The following DNAAF9 variants were observed in gnomAD, a reference collection of about 807,000 sequenced individuals.
DNAAF9 encodes the protein dynein axonemal assembly factor 9, also known as shulin.
A neutral mutation model predicts 167.0 loss-of-function variants in DNAAF9; 90 were observed. The ratio of observed to expected loss-of-function variants is 0.54; its 90% CI spans 0.45 to 0.64. The LOEUF (loss-of-function observed/expected upper bound fraction) is 0.64. Among genes scored for constraint, DNAAF9 ranks in the 30% least tolerant of loss-of-function variants. DNAAF9 has a pLI of 0.00. For missense variants in DNAAF9, 1,315 were observed against 1,442.2 expected, an observed-to-expected ratio of 0.91 and a Z score of 1.43; for synonymous variants, 491 against 508.8, an observed-to-expected ratio of 0.96 and a Z score of 0.47.
At chr20:3,292,123 C>T (rs1026448715) in intron 25 of DNAAF9, among the ~76,000 whole-genome samples, 6 of 152,128 alleles carry the variant, frequency 3.9e-5, no homozygotes, top group African/African-American at 1.4e-4. Flanking sequence ...CTCAGCCTCC[C>T]GAGTAGCTGG....
In DNAAF9 at chr20:3,387,884, T is replaced by TAA. The variant is rs557861791; in HGVS notation, c.84-5380_84-5379dup. Among the ~76,000 whole-genome samples the TAA allele has an allele frequency of 3.5e-3, 302 of 87,310 alleles. 8 individuals are homozygous for TAA. Among genetic ancestry groups the TAA allele is most frequent in the Non-Finnish European group, 4.5e-3 (208 of 46,726 alleles). 57.3% of individuals were successfully genotyped at this position (87,310 alleles called of 152,430 possible). On this transcript the variant is annotated intron_variant, in intron 1 of 36. Coordinates refer to ENST00000252032, the MANE Select transcript of DNAAF9 (RefSeq NM_001009984.3). ...AGGGAGACCCTGTCTCTACAAAAAG[T>TAA]AAAAAAAAAAAAAAAAAAAAAAAAA...
At chr20:3,267,141 C>A (rs956743984) in intron 30 of DNAAF9, among the ~76,000 whole-genome samples, 3 of 152,166 alleles carry the variant, frequency 2.0e-5, no homozygotes, top group Non-Finnish European at 4.4e-5. Flanking sequence ...TGTGAGCCAC[C>A]GTGCCTGGCC....
chr20:3,363,471 AT>A (rs2083390870), intron 6 of DNAAF9, among the ~76,000 whole-genome samples: 1 of 152,180 alleles, frequency 6.6e-6, no homozygotes, highest in African/African-American at 2.4e-5. Flanking sequence ...CTCAAAAAAA[AT>A]AAAAACTAAA....
intron 7 of DNAAF9, among the ~76,000 whole-genome samples, chr20:3,359,214 T>G (rs930206129): frequency 1.3e-5 from 2 of 152,202 alleles, no homozygotes; most frequent in Non-Finnish European, 2.9e-5. Context: ...GCATTGTTTT[T>G]CTAAAGTCCA....
At chr20:3,318,234 C>CAAAAAAA in intron 17 of DNAAF9, 55 bp downstream of exon 17, 1 of 620,434 alleles carries the variant, frequency 1.6e-6, no homozygotes, top group Non-Finnish European at 2.8e-6. Context: ...TTTATTTTGC[C>CAAAAAAA]AAAAAAAAAA....
intron 14 of DNAAF9, among the ~76,000 whole-genome samples, chr20:3,324,040 C>T (rs541907645): frequency 2.6e-5 from 4 of 152,236 alleles, no homozygotes; most frequent in Admixed American, 2.6e-4. Context: ...CCTTTCATGG[C>T]CAGGGCAGCA....
chr20:3,388,588 C>T (rs1349441008), intron 1 of DNAAF9, among the ~76,000 whole-genome samples: 1 of 152,168 alleles, frequency 6.6e-6, no homozygotes, highest in African/African-American at 2.4e-5. Flanking sequence ...GTGATACATA[C>T]ACACAATGGA....
At chr20:3,349,998 T>C (rs1432089308) in intron 7 of DNAAF9, among the ~76,000 whole-genome samples, 3 of 152,088 alleles carry the variant, frequency 2.0e-5, no homozygotes, top group Non-Finnish European at 4.4e-5. Context: ...CTCTCAAGGA[T>C]ACACAAGTAC....
chr20:3,397,597 C>G (rs986434246), intron 1 of DNAAF9, among the ~76,000 whole-genome samples: 2 of 152,152 alleles, frequency 1.3e-5, no homozygotes, highest in African/African-American at 4.8e-5. Context: ...GGATTACAGG[C>G]GTGAGCCACC....
At chr20:3,284,737 T>C (rs1325637319) in intron 27 of DNAAF9, among the ~76,000 whole-genome samples, 1 of 152,208 alleles carries the variant, frequency 6.6e-6, no homozygotes, top group East Asian at 1.9e-4. Context: ...AATTTCAAAT[T>C]TTGTTTTTAA....
chr20:3,396,305 C>T (rs1402816866), intron 1 of DNAAF9, among the ~76,000 whole-genome samples: 1 of 152,216 alleles, frequency 6.6e-6, no homozygotes. Flanking sequence ...GTTAGTAAAT[C>T]AAAGCAGTTT....
At chr20:3,272,022 G>A (rs2068603191) in intron 29 of DNAAF9, among the ~76,000 whole-genome samples, 1 of 151,896 alleles carries the variant, frequency 6.6e-6, no homozygotes. Context: ...TCAGCTAATC[G>A]TATTTCATCT....
At chr20:3,279,712 T>A (rs1337109429) in intron 28 of DNAAF9, among the ~76,000 whole-genome samples, 1 of 152,160 alleles carries the variant, frequency 6.6e-6, no homozygotes, top group Non-Finnish European at 1.5e-5. Context: ...GCCTCAGGTA[T>A]CTAACAGATG....
Position 3,255,248 on chromosome 20 carries a change from G to T in DNAAF9, c.3298C>A (p.Leu1100Met). Reference protein sequence around the residue: ...QRKALKTRGMLTQQEIRSIHV... With the variant: ...QRKALKTRGMMTQQEIRSIHV... ...ATGCTCCTGATCTCCTGTTGCGTCA[G>T]CATCCCCCTGGTCTTCAGGGCTTTC... is the stretch of plus-strand genomic sequence containing the variant. Residue 1100 changes from leucine to methionine, a missense_variant, in exon 35 of 37, where the codon CTG becomes ATG. Physicochemically the swap from Leu to Met is conservative, Grantham distance 15. Around this residue, in one of 2 missense-constraint regions of DNAAF9, gnomAD observed 334 missense variants for 429.7 expected, o/e 0.78. Coordinates refer to ENST00000252032, the MANE Select transcript of DNAAF9 (RefSeq NM_001009984.3). The T allele has an allele frequency of 6.4e-7, 1 of 1,550,976 alleles. No individual in the cohort carries two copies. Among genetic ancestry groups the T allele is most frequent in the Non-Finnish European group, 8.7e-7 (1 of 1,146,440 alleles).
At position 3,379,401 on chromosome 20, in the gene DNAAF9, C is replaced by A. The variant is rs561389060; in HGVS notation, c.283+1978G>T. On this transcript the variant is annotated intron_variant, in intron 3 of 36. Coordinates refer to ENST00000252032, the MANE Select transcript of DNAAF9 (RefSeq NM_001009984.3). The stretch of plus-strand genomic sequence containing the variant: ...AAGGCAAGCGGAGTTCAAGACCAGC[C>A]TGGCCAACATGGTGAAATCCCTTTC... 1.2e-4 allele frequency among the ~76,000 whole-genome samples: 18 copies of A among 152,212 alleles called. No homozygotes were observed. The East Asian group carries it at 3.3e-3, about 28-fold the overall frequency.
rs941760345 is a variant in DNAAF9 at position 3,297,040 on chromosome 20, A to C, written c.1930-91T>G. Reference sequence around the variant, plus strand: ...GGGATTTGATGGTTGTTGAAAATCTAGACTGTCACTGCAGAGAAAATGACT... The same window carrying C: ...GGGATTTGATGGTTGTTGAAAATCTCGACTGTCACTGCAGAGAAAATGACT... On this transcript the variant is annotated intron_variant, in intron 22 of 36. Coordinates refer to ENST00000252032, the MANE Select transcript of DNAAF9 (RefSeq NM_001009984.3). 2.4e-5 allele frequency: 18 copies of C among 746,116 alleles called. No homozygotes were observed. In the Admixed American group the frequency reaches 3.8e-4, roughly 16 times the overall value. The allele number at this position is 746,116 out of a possible 1,614,324, so 46.2% of individuals were successfully genotyped here. A position where few individuals can be genotyped will look rare whatever the true frequency, so the allele number is the denominator to read the frequency against.
At chr20:3,400,628 G>T (rs766844658) in intron 1 of DNAAF9, among the ~76,000 whole-genome samples, 1 of 152,068 alleles carries the variant, frequency 6.6e-6, no homozygotes, top group Non-Finnish European at 1.5e-5. Context: ...ACCCTGCTTT[G>T]CTTTTCTTTC....
At chr20:3,358,914 T>G (rs1488009856) in intron 7 of DNAAF9, among the ~76,000 whole-genome samples, 1 of 152,188 alleles carries the variant, frequency 6.6e-6, no homozygotes, top group Non-Finnish European at 1.5e-5. Context: ...GTTCTGTTTG[T>G]TGCCGCTCGT....
intron 28 of DNAAF9, among the ~76,000 whole-genome samples, chr20:3,279,795 G>C (rs1000812665): frequency 6.6e-6 from 1 of 152,176 alleles, no homozygotes; most frequent in Admixed American, 6.5e-5. Flanking sequence ...GAGGCAGCAG[G>C]GCTAAGGCAG....
Sources: allele counts gnomAD v4.1 joint callset (sites outside exome capture counted in the v4.1 genomes callset), GRCh38; gene constraint gnomAD v4.1.1; regional missense constraint gnomAD v4.1.1; transcripts MANE v1.5; gene names NCBI Gene and HGNC (gene_info 2026-07-23, HGNC 2026-07-21).